The following ECT2 variants were observed in gnomAD, a reference collection of about 807,000 sequenced individuals.
ECT2 encodes the protein epithelial cell transforming 2, also known as protein ECT2.
ECT2 carries 61 observed loss-of-function variants against 116.9 expected under a neutral mutation model. That is an observed-to-expected ratio of 0.52 (90% CI 0.42 to 0.65). The LOEUF (loss-of-function observed/expected upper bound fraction) is 0.65, where lower values mean the gene tolerates loss of function less well. Among genes scored for constraint, ECT2 ranks in the 30% least tolerant of loss-of-function variants. The pLI is 0.00. For missense variants in ECT2, 937 were observed against 1,078.7 expected (o/e 0.87, Z 1.84); for synonymous variants, 358 against 346.4 (o/e 1.03, Z -0.37).
At position 172,755,261 on chromosome 3, in the gene ECT2, A is replaced by C. The variant is rs781716441; in HGVS notation, c.131-34A>C. ...GACCTACTGATTGTGATGTTAATAC[A>C]TGATAAACATTGAAACATTTTACAT... On this transcript the variant is annotated intron_variant, in intron 2 of 24. Transcript: ENST00000392692. 13 of 1,519,174 alleles carry C rather than the reference A, an allele frequency of 8.6e-6. No homozygotes were observed. In the African/African-American group the frequency reaches 2.0e-4, roughly 23 times the overall value. The allele number at this position is 1,519,174 out of a possible 1,614,324, so 94.1% of individuals were successfully genotyped here.
At chr3:172,827,709 TCAG>T in the ECT2 span, among the ~76,000 whole-genome samples, 1 of 152,194 alleles carries the variant, frequency 6.6e-6, no homozygotes, top group East Asian at 1.9e-4. Context: ...GATGTATTGT[TCAG>T]CAGCACAATA....
intron 10 of ECT2, 33 bp from the exon 11 acceptor site, chr3:172,762,877 A>G: frequency 6.2e-7 from 1 of 1,611,376 alleles, no homozygotes; most frequent in African/African-American, 1.3e-5. Flanking sequence ...ATAAATGTAA[A>G]CTGTTTATTA....
chr3:172,772,549 A>G (rs1170139270), intron 13 of ECT2, among the ~76,000 whole-genome samples: 3 of 152,134 alleles, frequency 2.0e-5, no homozygotes, highest in Non-Finnish European at 4.4e-5. Context: ...TGACTTGCAA[A>G]TGCTTTTTTG....
intron 22 of ECT2, among the ~76,000 whole-genome samples, chr3:172,809,502 C>T (rs1354427747): frequency 1.3e-5 from 2 of 151,476 alleles, no homozygotes; most frequent in Non-Finnish European, 2.9e-5. Context: ...GTTTAAAGTT[C>T]TACATATAGT....
intron 8 of ECT2, 64 bp downstream of exon 8, chr3:172,761,747 C>G (rs1718345856): frequency 2.5e-6 from 3 of 1,194,208 alleles, no homozygotes; most frequent in East Asian, 2.5e-5. Flanking sequence ...AAGATAAATC[C>G]ATGTGCTGAA....
chr3:172,763,077 A>AT (rs2108327994), intron 11 of ECT2, 105 bp downstream of exon 11: 1 of 1,134,600 alleles, frequency 8.8e-7, no homozygotes, highest in Non-Finnish European at 1.3e-6. Context: ...TTTCAGAATG[A>AT]TTAAAACAAT....
chr3:172,822,955 A>AT (rs1430364676), downstream of ECT2, among the ~76,000 whole-genome samples: 2 of 152,102 alleles, frequency 1.3e-5, no homozygotes, highest in African/African-American at 4.8e-5. Flanking sequence ...AGAAAGCAAT[A>AT]TTTGAAGAGT....
At chr3:172,779,632 C>T (rs1722335359) in intron 14 of ECT2, among the ~76,000 whole-genome samples, 1 of 152,102 alleles carries the variant, frequency 6.6e-6, no homozygotes, top group Non-Finnish European at 1.5e-5. Flanking sequence ...CAGGCCAGGC[C>T]TGGTGGCTCC....
chr3:172,766,701 G>A (rs1317398198), intron 12 of ECT2, among the ~76,000 whole-genome samples: 6 of 152,194 alleles, frequency 3.9e-5, no homozygotes. Context: ...TTTGGAGGGA[G>A]GTAGTGAAGT....
In ECT2 at chr3:172,759,002, C is replaced by T. The variant is rs755267624; in HGVS notation, c.509C>T (p.Pro170Leu). The change falls in exon 6 of 25, where the codon CCG becomes CTG. Residue 170 changes from proline to leucine, a missense_variant. By Grantham distance (98) the Pro-to-Leu change is moderately conservative (BLOSUM62 -3). Transcript: ENST00000392692. ...CAGCCTTTGCCATTTTCATGTCGCCCGTTGTATTGTACAAGTATGATGAAT... is the reference window on the plus strand; with the variant it reads ...CAGCCTTTGCCATTTTCATGTCGCCTGTTGTATTGTACAAGTATGATGAAT... Reference protein sequence around the residue: ...KGEPLPFSCRPLYCTSMMNLV... With the variant: ...KGEPLPFSCRLLYCTSMMNLV... 13 of 1,610,116 alleles carry T rather than the reference C, an allele frequency of 8.1e-6. No individual in the cohort carries two copies. The highest frequency in any genetic ancestry group is 2.2e-5 in the South Asian group (2 of 89,938).
intron 23 of ECT2, among the ~76,000 whole-genome samples, chr3:172,816,487 C>T (rs1271764526): frequency 2.0e-5 from 3 of 152,084 alleles, no homozygotes; most frequent in Non-Finnish European, 2.9e-5. Flanking sequence ...TTCTCCTCCT[C>T]CTTCCATTGG....
chr3:172,769,152 G>C lies in ECT2; in HGVS notation c.1428+9G>C, dbSNP rs746434942. On this transcript the variant is annotated intron_variant, in intron 13 of 24. Coordinates refer to ENST00000392692, the MANE Select transcript of ECT2 (RefSeq NM_001258315.2). ...TGGCAACAATTATTCAGGTAAGTAT[G>C]AGTTTGATTGAAAAATGATTTCTGT... 1 of 1,596,778 alleles carries C rather than the reference G, an allele frequency of 6.3e-7. No homozygotes were observed. Among genetic ancestry groups the C allele is most frequent in the Non-Finnish European group, 8.5e-7 (1 of 1,169,756 alleles).
chr3:172,799,060 A>G (rs981840651), intron 18 of ECT2, among the ~76,000 whole-genome samples: 2 of 152,186 alleles, frequency 1.3e-5, no homozygotes, highest in African/African-American at 2.4e-5. Flanking sequence ...ATCAGTGTAG[A>G]AAAAAAGTTA....
At position 172,764,376 on chromosome 3, in the gene ECT2, G is replaced by A. The variant is rs1560261306; in HGVS notation, c.1167G>A (p.Gln389=). ...GTCGTTTAAAAGAAACACTTGCTCAGCTTTCAAGAGAGACAGACGTGTCAC... is the reference window on the plus strand; with the variant it reads ...GTCGTTTAAAAGAAACACTTGCTCAACTTTCAAGAGAGACAGACGTGTCAC... ...KRRRLKETLA[Q]LSRETDVSPF... is the part of the protein sequence containing the mutation. Residue 389 remains glutamine, a synonymous_variant, in exon 12 of 25, where the codon CAG becomes CAA. Transcript: ENST00000392692. The A allele has an allele frequency of 1.9e-6, 3 of 1,614,150 alleles. No homozygotes were observed. The highest frequency in any genetic ancestry group is 1.3e-5 in the African/African-American group (1 of 75,048).
At chr3:172,773,646 T>C (rs61480674) in intron 13 of ECT2, among the ~76,000 whole-genome samples, 9,324 of 152,304 alleles carry the variant, frequency 0.061, 963 homozygotes, top group African/African-American at 0.21. Context: ...AATGATTGAT[T>C]GCAGAACTGT....
At position 172,818,783 on chromosome 3, in the gene ECT2, C is replaced by T. The variant is rs1291586323; in HGVS notation, c.2656-1365C>T. On this transcript the variant is annotated intron_variant, in intron 24 of 24. Coordinates refer to ENST00000392692, the MANE Select transcript of ECT2 (RefSeq NM_001258315.2). ...GTGAAGAATTAGGAGATTTGCCAAC[C>T]ACTAATGGAAACAAGCCTCATGAAG... 3.1e-6 allele frequency: 4 copies of T among 1,271,606 alleles called. No individual in the cohort carries two copies. The African/African-American group carries it at 6.2e-5, about 20-fold the overall frequency. The allele number at this position is 1,271,606 out of a possible 1,614,324, so 78.8% of individuals were successfully genotyped here.
rs1717951500 is a variant in ECT2 at position 172,760,204 on chromosome 3, G to T, written c.625G>T (p.Asp209Tyr). The T allele has an allele frequency of 5.6e-6, 9 of 1,612,292 alleles. No individual in the cohort carries two copies. Among genetic ancestry groups the T allele is most frequent in the South Asian group, 1.1e-5 (1 of 90,850 alleles). ...VHHMGGVIRK[D>Y]FNSKVTHLVA... ...TCACATGGGTGGAGTTATTCGAAAA[G>T]ACTTTAATTCAAAAGTTACACATTT... Residue 209 changes from aspartate to tyrosine, a missense_variant, in exon 7 of 25, where the codon GAC (aspartate) becomes TAC (tyrosine). Coordinates refer to ENST00000392692, the MANE Select transcript of ECT2 (RefSeq NM_001258315.2).
At chr3:172,763,764 GT>G (rs1449955928) in intron 11 of ECT2, among the ~76,000 whole-genome samples, 1 of 152,220 alleles carries the variant, frequency 6.6e-6, no homozygotes, top group Non-Finnish European at 1.5e-5. Context: ...TAATAACTTT[GT>G]GTGGAATATT....
intron 1 of ECT2, among the ~76,000 whole-genome samples, chr3:172,753,083 A>C (rs1716243812): frequency 6.6e-6 from 1 of 152,158 alleles, no homozygotes; most frequent in African/African-American, 2.4e-5. Context: ...TTGAAAATTG[A>C]TAAAAAAATC....
Sources: gnomAD v4.1 joint callset for allele counts (sites outside exome capture counted in the v4.1 genomes callset) on GRCh38, gnomAD v4.1.1 for gene constraint, MANE v1.5 for transcripts, NCBI Gene and HGNC (gene_info 2026-07-23, HGNC 2026-07-21) for gene names.